The following TAF9B variants were observed in gnomAD, a reference collection of about 807,000 sequenced individuals.
TAF9B encodes the protein TATA-box binding protein associated factor 9b, also known as transcription initiation factor TFIID subunit 9B.
Under a neutral mutation model 17.6 loss-of-function variants are expected in TAF9B, and 47 were observed. The observed-to-expected ratio is 2.68, with a 90% confidence interval of 2.12 to 3.41. The LOEUF is 3.41. Among genes scored for constraint, TAF9B ranks in the 30% most tolerant of loss-of-function variants. The pLI, the probability that TAF9B is intolerant of heterozygous loss-of-function variation, is 0.00. For synonymous variants in TAF9B, 84 were observed against 68.7 expected, an observed-to-expected ratio of 1.22 and a Z score of -1.10; for missense variants, 218 against 189.3, an observed-to-expected ratio of 1.15 and a Z score of -0.89.
chrX:78,132,341 TATAG>T (rs1557249600), intron 6 of TAF9B, among the ~76,000 whole-genome samples: 1 of 111,945 alleles, frequency 8.9e-6, no homozygotes, highest in Non-Finnish European at 1.9e-5. Flanking sequence ...CTGATCTATG[TATAG>T]ATAAAGATTA....
At chrX:78,133,973 C>G (rs1351804606) in intron 5 of TAF9B, among the ~76,000 whole-genome samples, 1 of 111,000 alleles carries the variant, frequency 9.0e-6, no homozygotes, top group Non-Finnish European at 1.9e-5. Context: ...TCTTGGTCAC[C>G]TGCTGAGAAT....
intron 5 of TAF9B, among the ~76,000 whole-genome samples, chrX:78,134,800 CAGTA>C (rs1302879066): frequency 9.0e-6 from 1 of 111,424 alleles, no homozygotes; most frequent in Non-Finnish European, 1.9e-5. Context: ...AGAAAACTCA[CAGTA>C]GGTGGATGTT....
At chrX:78,138,232 C>T (rs1190556409) in intron 2 of TAF9B, 134 bp from the exon 3 acceptor site, 12 of 704,744 alleles carry the variant, frequency 1.7e-5, no homozygotes, top group African/African-American at 4.4e-5. Context: ...GACAGGGTCT[C>T]GCTATGTTGC....
chrX:78,138,215 T>C, intron 2 of TAF9B, 117 bp from the exon 3 acceptor site: 1 of 849,884 alleles, frequency 1.2e-6, no homozygotes, highest in Non-Finnish European at 1.7e-6. Context: ...TTGTGGGTTT[T>C]TGTAGAGACA....
chrX:78,135,428 A>C (rs1327240917), intron 5 of TAF9B, among the ~76,000 whole-genome samples: 1 of 102,824 alleles, frequency 9.7e-6, no homozygotes, highest in Non-Finnish European at 2.0e-5. Flanking sequence ...AAAAAAAAAA[A>C]ACACAAAAAA....
chrX:78,138,647 C>T (rs1164351076), intron 2 of TAF9B, among the ~76,000 whole-genome samples, 196 bp downstream of exon 2: 12 of 112,187 alleles, frequency 1.1e-4, no homozygotes, highest in South Asian at 3.7e-4. Flanking sequence ...AGTCCCAGCT[C>T]GGGAGGCTGA....
chrX:78,137,545 C>A (rs2078438523), intron 4 of TAF9B, among the ~76,000 whole-genome samples: 1 of 111,050 alleles, frequency 9.0e-6, no homozygotes, highest in Non-Finnish European at 1.9e-5. Flanking sequence ...GAGTTCAGGC[C>A]CTGCTTCCTG....
chrX:78,134,908 T>C (rs1015979645), intron 5 of TAF9B, among the ~76,000 whole-genome samples: 2 of 110,577 alleles, frequency 1.8e-5, no homozygotes, highest in Non-Finnish European at 3.8e-5. Flanking sequence ...CTTCCCCCAA[T>C]TGAACAGAGT....
In TAF9B at chrX:78,130,718, G is replaced by A. The variant is rs1249119379; in HGVS notation, c.*892C>T. The A allele has an allele frequency of 6.2e-5, 7 of 112,531 alleles. No individual in the cohort carries two copies. The Admixed American group carries it at 6.6e-4, about 11-fold the overall frequency. 9.3% of individuals were successfully genotyped at this position (112,531 alleles called of 1,213,427 possible). On this transcript the variant is annotated 3_prime_UTR_variant, in exon 7 of 7. Transcript: ENST00000341864. ...CAGCATCTCTGTTAAATTTAGAAAT[G>A]TGAAACATGGAAGAGTTATCAACTT...
chrX:78,137,077 A>G (rs1445085859), intron 4 of TAF9B, 87 bp from the exon 5 acceptor site: 2 of 692,714 alleles, frequency 2.9e-6, no homozygotes, highest in Non-Finnish European at 4.4e-6. Flanking sequence ...GTAAATGATT[A>G]TGGATAATCC....
In TAF9B at chrX:78,131,018, GAAAC is replaced by G. The variant is rs1394473750; in HGVS notation, c.*588_*591del. ...CTTCTACATTTAATAGCAATGGAGAGAAACAAGCCTATGGGGGAGGTGCAGAAAA... is the reference window on the plus strand; with the variant it reads ...CTTCTACATTTAATAGCAATGGAGAGAAGCCTATGGGGGAGGTGCAGAAAA... On this transcript the variant is annotated 3_prime_UTR_variant, in exon 7 of 7. Transcript: ENST00000341864. The G allele has an allele frequency of 9.0e-6, 1 of 111,627 alleles. No homozygotes were observed. Among genetic ancestry groups the G allele is most frequent in the African/African-American group, 3.3e-5 (1 of 30,684 alleles). 9.2% of individuals were successfully genotyped at this position (111,627 alleles called of 1,213,427 possible).
intron 5 of TAF9B, among the ~76,000 whole-genome samples, chrX:78,135,464 G>A (rs1263922603): frequency 4.7e-5 from 5 of 105,302 alleles, no homozygotes; most frequent in South Asian, 8.7e-4. Context: ...GTGTGGTGAC[G>A]CACACCTGTA....
At chrX:78,133,547 T>A in intron 5 of TAF9B, 99 bp from the exon 6 acceptor site, 1 of 596,060 alleles carries the variant, frequency 1.7e-6, no homozygotes, top group Non-Finnish European at 2.7e-6. Flanking sequence ...CAAAGGAAAC[T>A]AATAAAAGGT....
chrX:78,139,566 C>A lies in TAF9B; in HGVS notation c.46G>T (p.Ala16Ser), dbSNP rs148301222. The change falls in exon 1 of 7, where the codon GCC becomes TCC. Residue 16 changes from alanine to serine, a missense_variant. Coordinates refer to ENST00000341864, the MANE Select transcript of TAF9B (RefSeq NM_015975.5). ...MAPPKNAPRD[A>S]LVMAQILKDM... ...GGCTTATCCTTCGCACTTACCAAGG[C>A]ATCTCTCGGAGCGTTCTTGGGAGGC... 1,631 of 1,210,891 alleles carry A rather than the reference C, an allele frequency of 1.3e-3. 4 individuals are homozygous for A. The highest frequency in any genetic ancestry group is 2.8e-3 in the Middle Eastern group (12 of 4,353).
intron 6 of TAF9B, among the ~76,000 whole-genome samples, 162 bp downstream of exon 6, chrX:78,133,176 T>C (rs781820965): frequency 9.8e-5 from 11 of 111,943 alleles, no homozygotes; most frequent in African/African-American, 3.6e-4. Flanking sequence ...TTTCACAGAA[T>C]TTTAGAGGGC....
chrX:78,136,859 C>A lies in TAF9B; in HGVS notation c.481+56G>T. The A allele has an allele frequency of 3.3e-6, 3 of 914,654 alleles. No individual in the cohort carries two copies. The South Asian group carries it at 6.4e-5, about 19-fold the overall frequency. The allele number at this position is 914,654 out of a possible 1,213,427, so 75.4% of individuals were successfully genotyped here. A position where few individuals can be genotyped will look rare whatever the true frequency, so the allele number is the denominator to read the frequency against. On this transcript the variant is annotated intron_variant, in intron 5 of 6. Coordinates refer to ENST00000341864, the MANE Select transcript of TAF9B (RefSeq NM_015975.5). Reference sequence around the variant, plus strand: ...TTTGACTTGCATTATAGTTCAAAACCAAGTGCTGAGGCACTGCTTTACCAG... The same window carrying A: ...TTTGACTTGCATTATAGTTCAAAACAAAGTGCTGAGGCACTGCTTTACCAG...
intron 1 of TAF9B, 128 bp downstream of exon 1, chrX:78,139,433 C>A: frequency 1.0e-6 from 1 of 1,000,813 alleles, no homozygotes; most frequent in Admixed American, 2.7e-5. Flanking sequence ...ATCACCCTCT[C>A]CTCCTGACGG....
chrX:78,138,187 G>T, intron 2 of TAF9B, 89 bp from the exon 3 acceptor site: 2 of 996,890 alleles, frequency 2.0e-6, no homozygotes, highest in Non-Finnish European at 2.7e-6. Flanking sequence ...CCACTAATTT[G>T]TAGACGGTTT....
rs1314537173 is a variant in TAF9B at position 78,130,797 on chromosome X, A to C, written c.*813T>G. ...TGACCCAAAACTACCTGTCAAAAGC[A>C]CAGTAAAGCTTAACAGGCATAAAAA... On this transcript the variant is annotated 3_prime_UTR_variant, in exon 7 of 7. Coordinates refer to ENST00000341864, the MANE Select transcript of TAF9B (RefSeq NM_015975.5). The C allele has an allele frequency of 1.8e-5, 2 of 112,476 alleles. No individual in the cohort carries two copies. The highest frequency in any genetic ancestry group is 3.8e-5 in the Non-Finnish European group (2 of 53,301). 9.3% of individuals were successfully genotyped at this position (112,476 alleles called of 1,213,427 possible). A position where few individuals can be genotyped will look rare whatever the true frequency, so the allele number is the denominator to read the frequency against.
Sources: gnomAD v4.1 joint callset for allele counts (sites outside exome capture counted in the v4.1 genomes callset) on GRCh38, gnomAD v4.1.1 for gene constraint, MANE v1.5 for transcripts, NCBI Gene and HGNC (gene_info 2026-07-23, HGNC 2026-07-21) for gene names.